Variants in SIPA1L1 observed in about 807,000 individuals in gnomAD.
SIPA1L1 encodes signal induced proliferation associated 1 like 1.
In SIPA1L1, 26 loss-of-function variants were observed where a neutral mutation model predicts 162.7. The ratio of observed to expected loss-of-function variants is 0.16; its 90% CI spans 0.12 to 0.22. SIPA1L1 has a LOEUF of 0.22. SIPA1L1 is among the 10% of genes least tolerant of loss of function. SIPA1L1 has a pLI of 1.00. For synonymous variants in SIPA1L1, 829 were observed against 837.4 expected, an observed-to-expected ratio of 0.99 and a Z score of 0.17; for missense variants, 1,874 against 2,241.0, an observed-to-expected ratio of 0.84 and a Z score of 3.31.
chr14:71,364,046 G>A (rs1042275397), intron 2 of SIPA1L1, among the ~76,000 whole-genome samples: 2 of 152,154 alleles, frequency 1.3e-5, no homozygotes, highest in African/African-American at 2.4e-5. Context: ...GGACTCAGGA[G>A]AGTTTTTGTT....
chr14:71,444,713 G>A (rs1310068889), intron 2 of SIPA1L1, among the ~76,000 whole-genome samples: 1 of 152,190 alleles, frequency 6.6e-6, no homozygotes, highest in Admixed American at 6.5e-5. Flanking sequence ...GCCCAGGTAG[G>A]TGTCTGCTGC....
intron 2 of SIPA1L1, among the ~76,000 whole-genome samples, chr14:71,349,360 G>A (rs935467347): frequency 2.0e-5 from 3 of 152,086 alleles, no homozygotes; most frequent in Non-Finnish European, 4.4e-5. Context: ...AAGATGGGTC[G>A]GAGAATTCCT....
chr14:71,454,836 C>G (rs1057420706), intron 2 of SIPA1L1, among the ~76,000 whole-genome samples: 2 of 152,220 alleles, frequency 1.3e-5, no homozygotes, highest in Non-Finnish European at 2.9e-5. Context: ...TAAGCTCTGG[C>G]TCTGTCTACC....
intron 9 of SIPA1L1, among the ~76,000 whole-genome samples, chr14:71,659,088 T>C (rs1367287638): frequency 6.6e-6 from 1 of 152,174 alleles, no homozygotes; most frequent in African/African-American, 2.4e-5. Context: ...CACTATTGTT[T>C]TAGGGAATAT....
intron 2 of SIPA1L1, among the ~76,000 whole-genome samples, chr14:71,459,451 A>G (rs1034808140): frequency 6.6e-5 from 10 of 151,664 alleles, no homozygotes; most frequent in Non-Finnish European, 8.8e-5. Context: ...CTATCTATCT[A>G]TCCATCCAGA....
At chr14:71,335,394 C>T (rs143731339) in intron 2 of SIPA1L1, among the ~76,000 whole-genome samples, 1 of 152,222 alleles carries the variant, frequency 6.6e-6, no homozygotes, top group African/African-American at 2.4e-5. Flanking sequence ...TATCACTCTT[C>T]ACTGCTGTCC....
chr14:71,574,782 T>A (rs1304717618), intron 4 of SIPA1L1: 1 of 152,218 alleles, frequency 6.6e-6, no homozygotes, highest in East Asian at 1.9e-4. Context: ...ATTAATTTTT[T>A]TTCTAGTTAA....
Position 71,512,755 on chromosome 14 carries a change from C to T in SIPA1L1, c.-452C>T, listed in dbSNP as rs950349577. 1.3e-5 allele frequency: 2 copies of T among 153,300 alleles called. No homozygotes were observed. Among genetic ancestry groups the T allele is most frequent in the Admixed American group, 1.3e-4 (2 of 15,270 alleles). The allele number at this position is 153,300 out of a possible 1,614,324, so 9.5% of individuals were successfully genotyped here. On this transcript the variant is annotated 5_prime_UTR_variant, in exon 3 of 24. Transcript: ENST00000381232. ...TTTCCCCTTCCAGGCCCTCCCTATC[C>T]TGAAGACATTAGCTGAGAGTCTGGC...
chr14:71,409,164 G>A (rs1354918273), intron 2 of SIPA1L1, among the ~76,000 whole-genome samples: 1 of 152,116 alleles, frequency 6.6e-6, no homozygotes, highest in Admixed American at 6.6e-5. Flanking sequence ...TTGCCCATTT[G>A]GGCTCTGTAA....
At position 71,542,081 on chromosome 14, in the gene SIPA1L1, A is replaced by G. The variant is rs190207414; in HGVS notation, c.-303+12711A>G. Among the ~76,000 whole-genome samples the G allele has an allele frequency of 6.8e-4, 104 of 152,006 alleles. 1 individual carries two copies. Among genetic ancestry groups the G allele is most frequent in the African/African-American group, 2.5e-3 (102 of 41,478 alleles). On this transcript the variant is annotated intron_variant, in intron 4 of 23. Transcript: ENST00000381232. ...CCCAGTCCCCCAACTCCTTATTTCTATATTTTTATTTTTTTAGAAATAGGG... is the reference window on the plus strand; with the variant it reads ...CCCAGTCCCCCAACTCCTTATTTCTGTATTTTTATTTTTTTAGAAATAGGG...
At chr14:71,417,498 A>AAAAAAAAAAC (rs1157625899) in intron 2 of SIPA1L1, among the ~76,000 whole-genome samples, 1 of 146,492 alleles carries the variant, frequency 6.8e-6, no homozygotes, top group Non-Finnish European at 1.5e-5. Context: ...AAAAAAAAAA[A>AAAAAAAAAAC]AAAAAGAAAA....
chr14:71,674,648 T>G (rs1185314144), intron 12 of SIPA1L1, among the ~76,000 whole-genome samples: 11 of 149,336 alleles, frequency 7.4e-5, no homozygotes, highest in African/African-American at 2.2e-4. Context: ...CACTGCAAGC[T>G]CCGCCTCCCG....
intron 3 of SIPA1L1, among the ~76,000 whole-genome samples, chr14:71,516,748 G>T (rs374505568): frequency 6.6e-6 from 1 of 151,950 alleles, no homozygotes; most frequent in Admixed American, 6.6e-5. Flanking sequence ...TGAGGCAGGC[G>T]GATTGCTTGA....
chr14:71,564,275 T>G (rs2029864498), intron 4 of SIPA1L1, among the ~76,000 whole-genome samples: 1 of 152,214 alleles, frequency 6.6e-6, no homozygotes, highest in East Asian at 1.9e-4. Context: ...TACTATTTTC[T>G]TTTATAACTT....
chr14:71,414,428 T>C (rs2042617000), intron 2 of SIPA1L1, among the ~76,000 whole-genome samples: 1 of 152,228 alleles, frequency 6.6e-6, no homozygotes, highest in African/African-American at 2.4e-5. Context: ...CTGCTCTTTA[T>C]AGCAGAATTT....
At chr14:71,557,501 A>G (rs979292717) in intron 4 of SIPA1L1, among the ~76,000 whole-genome samples, 1 of 152,188 alleles carries the variant, frequency 6.6e-6, no homozygotes, top group African/African-American at 2.4e-5. Flanking sequence ...TCTCTGCACA[A>G]AGGGGCCACT....
chr14:71,383,092 A>G (rs1181424555), intron 2 of SIPA1L1, among the ~76,000 whole-genome samples: 1 of 152,210 alleles, frequency 6.6e-6, no homozygotes, highest in African/African-American at 2.4e-5. Context: ...TCAGATTGCT[A>G]CATTGTCTAG....
chr14:71,671,668 C>G lies in SIPA1L1; in HGVS notation c.2805C>G (p.Ile935Met), dbSNP rs138367302. Residue 935 changes from isoleucine to methionine, a missense_variant, in exon 11 of 24, where the codon ATC (isoleucine) becomes ATG (methionine). Coordinates refer to ENST00000381232, the MANE Select transcript of SIPA1L1 (RefSeq NM_001386936.1). ...GTAGTTTTATTAACATTGAGGAGAT[C>G]AAAGAGATTGTCAAAAGGTTGCAGG... ...SVGSFINIEEIKEIVKRLQFV... is the reference protein window; with the variant it reads ...SVGSFINIEEMKEIVKRLQFV... 3 of 1,602,346 alleles carry G rather than the reference C, an allele frequency of 1.9e-6. No individual in the cohort carries two copies. The highest frequency in any genetic ancestry group is 1.7e-6 in the Non-Finnish European group (2 of 1,175,160).
intron 7 of SIPA1L1, among the ~76,000 whole-genome samples, chr14:71,639,905 T>G (rs972269289): frequency 1.1e-5 from 1 of 92,768 alleles, no homozygotes; most frequent in South Asian, 3.5e-4. Flanking sequence ...TGGGTTTTTT[T>G]GTTTTTTTGT....
Sources: gnomAD v4.1 joint callset for allele counts (sites outside exome capture counted in the v4.1 genomes callset) on GRCh38, gnomAD v4.1.1 for gene constraint, MANE v1.5 for transcripts, NCBI Gene and HGNC (gene_info 2026-07-23, HGNC 2026-07-21) for gene names.